Variants in NOX3 observed in about 807,000 individuals in gnomAD.
The protein encoded by NOX3 is NADPH oxidase catalytic subunit-like 3.
NOX3 carries 74 observed loss-of-function variants against 76.7 expected under a neutral mutation model. The observed-to-expected ratio is 0.96, with a 90% confidence interval of 0.80 to 1.17. The LOEUF (loss-of-function observed/expected upper bound fraction) is 1.17. NOX3 is among the 50% of genes most tolerant of loss of function. NOX3 has a pLI of 0.00. For missense variants in NOX3, 695 were observed against 703.3 expected, an observed-to-expected ratio of 0.99 and a Z score of 0.13; for synonymous variants, 263 against 261.1, an observed-to-expected ratio of 1.01 and a Z score of -0.07.
chr6:155,451,270 C>T (rs4870372), intron 4 of NOX3, among the ~76,000 whole-genome samples: 24,936 of 152,000 alleles, frequency 0.16, 2,226 homozygotes, highest in Admixed American at 0.23. Context: ...TGAGCCACCA[C>T]GCCCGGCCTG....
intron 12 of NOX3, among the ~76,000 whole-genome samples, chr6:155,398,970 G>T (rs892960190): frequency 6.6e-6 from 1 of 152,216 alleles, no homozygotes; most frequent in African/African-American, 2.4e-5. Flanking sequence ...GGCTATTGGT[G>T]TCTGCCTGCT....
chr6:155,404,999 A>G (rs1055914568), intron 12 of NOX3, among the ~76,000 whole-genome samples: 3 of 152,196 alleles, frequency 2.0e-5, no homozygotes, highest in African/African-American at 7.2e-5. Flanking sequence ...TCTGGTACAG[A>G]AAGAGTGTGA....
At position 155,455,124 on chromosome 6, in the gene NOX3, T is replaced by G. The variant is rs1369548483; in HGVS notation, c.54A>C (p.Ser18=). ...ACAGATAAAAATTTATTCCCAGCCATGAGAGCTAGAGTAGAAAGGAAAGAG... is the reference window on the plus strand; with the variant it reads ...ACAGATAAAAATTTATTCCCAGCCAGGAGAGCTAGAGTAGAAAGGAAAGAG... ...NEGLSTILVL[S]WLGINFYLFI... Residue 18 remains serine, a synonymous_variant, in exon 2 of 14, where the codon TCA becomes TCC. Transcript: ENST00000159060. The G allele has an allele frequency of 1.9e-6, 3 of 1,606,078 alleles. No homozygotes were observed. The African/African-American group carries it at 4.0e-5, about 21-fold the overall frequency.
At chr6:155,438,788 G>A (rs1038348187) in intron 6 of NOX3, among the ~76,000 whole-genome samples, 7 of 152,220 alleles carry the variant, frequency 4.6e-5, no homozygotes, top group Non-Finnish European at 8.8e-5. Flanking sequence ...GGCCACCTCC[G>A]GGACAGGACC....
intron 5 of NOX3, among the ~76,000 whole-genome samples, chr6:155,441,997 G>A (rs1201931194): frequency 6.6e-6 from 1 of 152,178 alleles, no homozygotes; most frequent in East Asian, 1.9e-4. Context: ...GAGCGCGGTG[G>A]CTCACGCCTG....
chr6:155,407,106 G>C (rs776655875), intron 12 of NOX3, 24 bp downstream of exon 12: 5 of 1,613,138 alleles, frequency 3.1e-6, no homozygotes, highest in Non-Finnish European at 4.2e-6. Flanking sequence ...GCCTGGCAGG[G>C]AGAGGAGCAA....
chr6:155,440,549 G>T (rs1776970742), intron 5 of NOX3, among the ~76,000 whole-genome samples: 1 of 151,978 alleles, frequency 6.6e-6, no homozygotes, highest in Non-Finnish European at 1.5e-5. Context: ...GCTGAGGTGG[G>T]AGGATCACTT....
Position 155,430,949 on chromosome 6 carries a change from C to CAG in NOX3, c.799-16_799-15dup, listed in dbSNP as rs758879704. ...CCATTTCCAAGCCTGAAGAGAGTAG[C>CAG]AGAGAGAGAGAGAAAAAGGAAATGA... On this transcript the variant is annotated splice_polypyrimidine_tract_variant and intron_variant, in intron 7 of 13. Coordinates refer to ENST00000159060, the MANE Select transcript of NOX3 (RefSeq NM_015718.3). 2.2e-5 allele frequency: 32 copies of CAG among 1,458,486 alleles called. No individual in the cohort carries two copies. The highest frequency in any genetic ancestry group is 3.5e-4 in the Middle Eastern group (2 of 5,706). 90.3% of individuals were successfully genotyped at this position (1,458,486 alleles called of 1,614,324 possible). A position where few individuals can be genotyped will look rare whatever the true frequency, so the allele number is the denominator to read the frequency against.
intron 10 of NOX3, among the ~76,000 whole-genome samples, chr6:155,412,075 G>C (rs1225408734): frequency 5.3e-5 from 8 of 152,156 alleles, no homozygotes; most frequent in Admixed American, 5.2e-4. Flanking sequence ...TCAAATAATT[G>C]CATCTAGAAG....
At chr6:155,413,829 A>G (rs1033074444) in intron 10 of NOX3, among the ~76,000 whole-genome samples, 24 of 152,208 alleles carry the variant, frequency 1.6e-4, no homozygotes, top group Admixed American at 1.1e-3. Context: ...TTTAAGGAAC[A>G]TGCTTAAAAC....
intron 10 of NOX3, among the ~76,000 whole-genome samples, chr6:155,422,142 C>T (rs762197732): frequency 2.6e-5 from 4 of 152,198 alleles, no homozygotes; most frequent in African/African-American, 2.4e-5. Context: ...GTCCAAGTAT[C>T]GGATGGAGTG....
intron 10 of NOX3, among the ~76,000 whole-genome samples, chr6:155,419,678 C>T (rs1164683512): frequency 1.3e-5 from 2 of 152,052 alleles, no homozygotes; most frequent in African/African-American, 4.8e-5. Flanking sequence ...TTTGTGGTGA[C>T]TGCAGTGCTG....
At chr6:155,417,902 A>T (rs750617426) in intron 10 of NOX3, among the ~76,000 whole-genome samples, 1 of 152,138 alleles carries the variant, frequency 6.6e-6, no homozygotes, top group African/African-American at 2.4e-5. Flanking sequence ...GCCATTTTGC[A>T]TGGGACACAC....
At chr6:155,421,698 C>T (rs879598026) in intron 10 of NOX3, among the ~76,000 whole-genome samples, 6 of 152,030 alleles carry the variant, frequency 3.9e-5, no homozygotes, top group South Asian at 2.1e-4. Flanking sequence ...CTATGCGGCC[C>T]GGGCTGGTCT....
chr6:155,438,634 G>A (rs1041594499), intron 6 of NOX3, among the ~76,000 whole-genome samples: 1 of 152,224 alleles, frequency 6.6e-6, no homozygotes, highest in African/African-American at 2.4e-5. Flanking sequence ...GATTGGAGGC[G>A]TTGTTGACTT....
chr6:155,435,513 T>C (rs903757692), intron 7 of NOX3, among the ~76,000 whole-genome samples: 1 of 131,324 alleles, frequency 7.6e-6, no homozygotes, highest in Non-Finnish European at 1.6e-5. Flanking sequence ...CTTAATTTAA[T>C]ATATTTGAGG....
chr6:155,435,304 A>G (rs902416533), intron 7 of NOX3, among the ~76,000 whole-genome samples: 1 of 152,006 alleles, frequency 6.6e-6, no homozygotes, highest in Non-Finnish European at 1.5e-5. Flanking sequence ...TTTTATGGAG[A>G]TGCTGTAGCT....
Position 155,421,588 on chromosome 6 carries a change from G to A in NOX3, c.1308+1106C>T, listed in dbSNP as rs563992715. Among the ~76,000 whole-genome samples, 452 of 152,314 alleles carry A rather than the reference G, an allele frequency of 3.0e-3. 1 individual carries two copies. Among genetic ancestry groups the A allele is most frequent in the Non-Finnish European group, 5.6e-3 (378 of 68,026 alleles). ...TTCTGCGGAACTTTTTTTAGAGACA[G>A]AGTCTCGCTCTGTTGCCCAGGCTGG... is the stretch of plus-strand genomic sequence containing the variant. On this transcript the variant is annotated intron_variant, in intron 10 of 13. Transcript: ENST00000159060.
chr6:155,450,737 C>T (rs1212311323), intron 4 of NOX3, among the ~76,000 whole-genome samples: 2 of 152,224 alleles, frequency 1.3e-5, no homozygotes, highest in East Asian at 1.9e-4. Flanking sequence ...ATCAAAGGCA[C>T]AGAATGCTTA....
Sources: gnomAD v4.1 joint callset for allele counts (sites outside exome capture counted in the v4.1 genomes callset) on GRCh38, gnomAD v4.1.1 for gene constraint, MANE v1.5 for transcripts, NCBI Gene and HGNC (gene_info 2026-07-23, HGNC 2026-07-21) for gene names.